Variants in PLEKHG2 observed in about 807,000 individuals in gnomAD.
The protein encoded by PLEKHG2 is pleckstrin homology and RhoGEF domain containing G2.
In PLEKHG2, 71 loss-of-function variants were observed where a neutral mutation model predicts 104.4. The observed-to-expected ratio is 0.68, with a 90% CI of 0.56 to 0.83. PLEKHG2 has a LOEUF of 0.83. PLEKHG2 is among the 40% of genes least tolerant of loss of function. The pLI is 0.00. For synonymous variants in PLEKHG2, 728 were observed against 737.0 expected (o/e 0.99, Z 0.20); for missense variants, 1,730 against 1,809.4 (o/e 0.96, Z 0.80).
Position 39,415,362 on chromosome 19 carries a change from C to T in PLEKHG2, c.402C>T (p.Asp134=), listed in dbSNP as rs772854867. The T allele has an allele frequency of 3.8e-5, 61 of 1,613,984 alleles. No homozygotes were observed. Among genetic ancestry groups the T allele is most frequent in the East Asian group, 3.6e-4 (16 of 44,898 alleles). The part of the protein sequence containing the change: ...IVEDYLGPLL[D]GGVLGLSVEQ... ...AGGACTACCTGGGCCCTCTGCTGGA[C>T]GGCGGGGTCCTGGGGCTGAGCGTGG... is the stretch of plus-strand genomic sequence containing the variant. Residue 134 remains aspartate (D), a synonymous_variant, in exon 4 of 19, where the codon GAC becomes GAT. Transcript: ENST00000425673. The surrounding 1 kb of genome is among the most constrained non-coding windows in gnomAD (Gnocchi z 4.6).
At position 39,414,210 on chromosome 19, in the gene PLEKHG2, A is replaced by G. The variant is rs2078565119; in HGVS notation, c.109+15A>G. The stretch of plus-strand genomic sequence containing the variant: ...GACTCGGACAGGTGAGCCTAGAGGC[A>G]GGGGCGGCGGAGCCTGTGGGGCTTT... On this transcript the variant is annotated intron_variant, in intron 2 of 18. Transcript: ENST00000425673. 3 of 1,549,732 alleles carry G rather than the reference A, an allele frequency of 1.9e-6. No homozygotes were observed. Among genetic ancestry groups the G allele is most frequent in the Admixed American group, 2.0e-5 (1 of 50,936 alleles).
rs779700381 is a variant in PLEKHG2 at position 39,415,196 on chromosome 19, G to T, written c.314G>T (p.Arg105Leu). Reference sequence around the variant, plus strand: ...TCAGCCAGACCCTCAAGGCTGGAGCGTGTGGCCCGGGAGATCGTGGAGACA... The same window carrying T: ...TCAGCCAGACCCTCAAGGCTGGAGCTTGTGGCCCGGGAGATCGTGGAGACA... Reference protein sequence around the residue: ...PGSARPSRLERVAREIVETER... With the variant: ...PGSARPSRLELVAREIVETER... Residue 105 changes from arginine (R) to leucine (L), a missense_variant, in exon 3 of 19, where the codon CGT (arginine) becomes CTT (leucine). Coordinates refer to ENST00000425673, the MANE Select transcript of PLEKHG2 (RefSeq NM_022835.3). This position sits in a 1 kb window ranked among gnomAD's most constrained non-coding sequence, Gnocchi z 4.6. 1.3e-6 allele frequency: 2 copies of T among 1,587,498 alleles called. No individual in the cohort carries two copies. Among genetic ancestry groups the T allele is most frequent in the South Asian group, 2.3e-5 (2 of 87,886 alleles).
In PLEKHG2 at chr19:39,426,929, C is replaced by T. The variant is rs1265053481; in HGVS notation, c.*1635C>T. The T allele has an allele frequency of 2.0e-5, 3 of 151,980 alleles. No homozygotes were observed. Among genetic ancestry groups the T allele is most frequent in the African/African-American group, 4.8e-5 (2 of 41,338 alleles). 9.4% of individuals were successfully genotyped at this position (151,980 alleles called of 1,614,324 possible). ...CAAAATCTTGGCTCATTGCAACCTC[C>T]ACCTCCTGGGTTCAAGCAATTCTCA... On this transcript the variant is annotated 3_prime_UTR_variant, in exon 19 of 19. Coordinates refer to ENST00000425673, the MANE Select transcript of PLEKHG2 (RefSeq NM_022835.3).
rs752655074 is a variant in PLEKHG2, at chr19:39,424,460, C to T, written c.3327C>T (p.Thr1109=). ...TCCCAGACCTTCAGATTCCAGGTAC[C>T]TCACCTTTGCCTGCACATGGAAGCC... ...CHLPDLQIPG[T]SPLPAHGSHL... Residue 1109 remains threonine, a synonymous_variant, in exon 19 of 19, where the codon ACC becomes ACT. Transcript: ENST00000425673. 1 of 1,614,118 alleles carries T rather than the reference C, an allele frequency of 6.2e-7. No individual in the cohort carries two copies. Among genetic ancestry groups the T allele is most frequent in the Non-Finnish European group, 8.5e-7 (1 of 1,180,022 alleles).
intron 7 of PLEKHG2, among the ~76,000 whole-genome samples, chr19:39,417,247 G>A (rs2078621147): frequency 6.6e-6 from 1 of 152,114 alleles, no homozygotes; most frequent in Non-Finnish European, 1.5e-5. Context: ...CCACCTCCTG[G>A]GTTCAAGTGA....
chr19:39,420,500 G>T (rs2078681933), intron 11 of PLEKHG2, 126 bp from the exon 12 acceptor site: 7 of 1,183,198 alleles, frequency 5.9e-6, no homozygotes, highest in Non-Finnish European at 8.8e-6. Context: ...CTCCAACCTG[G>T]CGTATAGAGC....
chr19:39,425,405 C>T lies in PLEKHG2; in HGVS notation c.*111C>T, dbSNP rs2146025948. 6.9e-7 allele frequency: 1 copy of T among 1,449,098 alleles called. No homozygotes were observed. Among genetic ancestry groups the T allele is most frequent in the South Asian group, 1.5e-5 (1 of 67,756 alleles). The allele number at this position is 1,449,098 out of a possible 1,614,324, so 89.8% of individuals were successfully genotyped here. A position where few individuals can be genotyped will look rare whatever the true frequency, so the allele number is the denominator to read the frequency against. ...ACGCAGGCCTCAAAACTGCTGCGGC[C>T]TTCCAACTCCTGGTATCTGCATCGG... On this transcript the variant is annotated 3_prime_UTR_variant, in exon 19 of 19. Transcript: ENST00000425673.
At position 39,416,574 on chromosome 19, in the gene PLEKHG2, A is replaced by G. The variant is rs573475595; in HGVS notation, c.570A>G (p.Thr190=). 71 of 1,613,816 alleles carry G rather than the reference A, an allele frequency of 4.4e-5. No homozygotes were observed. In the Middle Eastern group the frequency reaches 4.9e-4, roughly 11 times the overall value. Residue 190 remains threonine (T), a synonymous_variant, in exon 6 of 19, where the codon ACA becomes ACG. Coordinates refer to ENST00000425673, the MANE Select transcript of PLEKHG2 (RefSeq NM_022835.3). This position sits in a 1 kb window ranked among gnomAD's most constrained non-coding sequence, Gnocchi z 4.5. Reference sequence around the variant, plus strand: ...AGAGCGAGGATTTTGACATCTACACATTGTACTGCATGAACTACCCGAGGT... The same window carrying G: ...AGAGCGAGGATTTTGACATCTACACGTTGTACTGCATGAACTACCCGAGGT... ...VQRSEDFDIY[T]LYCMNYPSSL...
At position 39,413,858 on chromosome 19, in the gene PLEKHG2, T is replaced by A. The variant is rs1271123249; in HGVS notation, c.-22-207T>A. ...TCTGCGCCTCCTGCTCCGCTCACTC[T>A]TCTTTGTCTCAGCCTTTCCATCTTT... On this transcript the variant is annotated intron_variant, in intron 1 of 18. Transcript: ENST00000425673. This position sits in a 1 kb window ranked among gnomAD's most constrained non-coding sequence, Gnocchi z 4.5. 1.2e-5 allele frequency: 5 copies of A among 412,910 alleles called. No homozygotes were observed. The East Asian group carries it at 2.1e-4, about 18-fold the overall frequency. 25.6% of individuals were successfully genotyped at this position (412,910 alleles called of 1,614,324 possible). A position where few individuals can be genotyped will look rare whatever the true frequency, so the allele number is the denominator to read the frequency against.
In PLEKHG2 at chr19:39,416,756, C is replaced by A. The variant is rs1222304200; in HGVS notation, c.594-94C>A. The A allele has an allele frequency of 2.0e-6, 3 of 1,490,710 alleles. No individual in the cohort carries two copies. The highest frequency in any genetic ancestry group is 1.9e-5 in the Admixed American group (1 of 53,684). 92.3% of individuals were successfully genotyped at this position (1,490,710 alleles called of 1,614,324 possible). ...CCTCACTGCCCCGCCCCCTGTCAGA[C>A]CCTGACCCTTCCCAAACCCTGGCCC... On this transcript the variant is annotated intron_variant, in intron 6 of 18. Coordinates refer to ENST00000425673, the MANE Select transcript of PLEKHG2 (RefSeq NM_022835.3). The surrounding 1 kb of genome is among the most constrained non-coding windows in gnomAD (Gnocchi z 4.5).
In PLEKHG2 at chr19:39,415,050, C is replaced by T. The variant is rs1326930705; in HGVS notation, c.168C>T (p.Ser56=). 2.5e-6 allele frequency: 4 copies of T among 1,596,910 alleles called. No individual in the cohort carries two copies. The African/African-American group carries it at 5.4e-5, about 21-fold the overall frequency. ...GTTCTGGGAGCTCCACATCCCTGAG[C>T]ACAGTGGGCTCTGAGGGGGATCCAG... ...PRGSGSSTSL[S]TVGSEGDPAP... is the part of the protein sequence containing the mutation. Residue 56 remains serine, a synonymous_variant, in exon 3 of 19, where the codon AGC becomes AGT. Transcript: ENST00000425673. The surrounding 1 kb of genome is among the most constrained non-coding windows in gnomAD (Gnocchi z 4.6).
rs765590948 is a variant in PLEKHG2, at chr19:39,416,502, C to A, written c.547-49C>A. 1 of 1,612,218 alleles carries A rather than the reference C, an allele frequency of 6.2e-7. No homozygotes were observed. The highest frequency in any genetic ancestry group is 8.5e-7 in the Non-Finnish European group (1 of 1,179,092). Reference sequence around the variant, plus strand: ...GCTTGGGCTAGGCTGGAAGGGGGGTCGTGGGAAGCCAGGACCTGGGGTCTC... The same window carrying A: ...GCTTGGGCTAGGCTGGAAGGGGGGTAGTGGGAAGCCAGGACCTGGGGTCTC... On this transcript the variant is annotated intron_variant, in intron 5 of 18. Transcript: ENST00000425673. This position sits in a 1 kb window ranked among gnomAD's most constrained non-coding sequence, Gnocchi z 4.5.
chr19:39,419,744 G>A (rs935046435), intron 11 of PLEKHG2, among the ~76,000 whole-genome samples: 1 of 152,138 alleles, frequency 6.6e-6, no homozygotes, highest in African/African-American at 2.4e-5. Context: ...AGGCGTGGTG[G>A]CAGGTGCCCG....
intron 9 of PLEKHG2, 88 bp from the exon 10 acceptor site, chr19:39,418,646 C>A: frequency 2.9e-6 from 3 of 1,044,030 alleles, no homozygotes; most frequent in Non-Finnish European, 4.3e-6. Flanking sequence ...GGGAGGAGGA[C>A]CCAGATACAC....
At position 39,424,887 on chromosome 19, in the gene PLEKHG2, G is replaced by T; in HGVS notation, c.3754G>T (p.Glu1252Ter). 6.2e-7 allele frequency: 1 copy of T among 1,614,170 alleles called. No homozygotes were observed. The highest frequency in any genetic ancestry group is 8.5e-7 in the Non-Finnish European group (1 of 1,180,046). Reference sequence around the variant, plus strand: ...CTTAGCCTCTCACGTTGCCAGGTTGGAGTCTTCAGACTTGACGCCACCTCA... The same window carrying T: ...CTTAGCCTCTCACGTTGCCAGGTTGTAGTCTTCAGACTTGACGCCACCTCA... ...GSLASHVARL[E>*]SSDLTPPHSP... is the part of the protein sequence containing the mutation. The change falls in exon 19 of 19, where the codon GAG becomes TAG. Residue 1252 changes from glutamate (E) to a stop codon, truncating the protein, a stop_gained. Coordinates refer to ENST00000425673, the MANE Select transcript of PLEKHG2 (RefSeq NM_022835.3). LOFTEE classifies it high-confidence loss of function.
chr19:39,415,694 G>A lies in PLEKHG2; in HGVS notation c.479+255G>A, dbSNP rs1472126529. Among the ~76,000 whole-genome samples, 4 of 151,420 alleles carry A rather than the reference G, an allele frequency of 2.6e-5. No homozygotes were observed. The highest frequency in any genetic ancestry group is 5.9e-5 in the Non-Finnish European group (4 of 67,838). ...GAGGGAGGGGCATAGCGGATGGGAG[G>A]ACCCCGAGTGAGGGAGGGGCATAGC... On this transcript the variant is annotated intron_variant, in intron 4 of 18. Coordinates refer to ENST00000425673, the MANE Select transcript of PLEKHG2 (RefSeq NM_022835.3). The surrounding 1 kb of genome is among the most constrained non-coding windows in gnomAD (Gnocchi z 4.6).
rs34521090 is a variant in PLEKHG2, at chr19:39,426,845, A to AT, written c.*1568dup. ...AGGGAAGGAGGAGCTTGGGAATCTGATTTTTTTTTTTTTTTTTAGATAAAG... is the reference window on the plus strand; with the variant it reads ...AGGGAAGGAGGAGCTTGGGAATCTGATTTTTTTTTTTTTTTTTTAGATAAAG... On this transcript the variant is annotated 3_prime_UTR_variant, in exon 19 of 19. Coordinates refer to ENST00000425673, the MANE Select transcript of PLEKHG2 (RefSeq NM_022835.3). 0.6 allele frequency: 84,979 copies of AT among 142,186 alleles called. 25,877 individuals are homozygous for AT. The highest frequency in any genetic ancestry group is 0.77 in the African/African-American group (29,516 of 38,566). 8.8% of individuals were successfully genotyped at this position (142,186 alleles called of 1,614,324 possible).
chr19:39,425,183 G>A lies in PLEKHG2; in HGVS notation c.4050G>A (p.Arg1350=), dbSNP rs1344876017. 1 of 1,604,516 alleles carries A rather than the reference G, an allele frequency of 6.2e-7. No homozygotes were observed. The highest frequency in any genetic ancestry group is 8.5e-7 in the Non-Finnish European group (1 of 1,176,952). ...NIHVGGGGRL[R]PAKAQVRLNH... ...ACGTGGGCGGGGGTGGGCGGCTGCGGCCAGCCAAGGCCCAGGTCCGGTTGA... is the reference window on the plus strand; with the variant it reads ...ACGTGGGCGGGGGTGGGCGGCTGCGACCAGCCAAGGCCCAGGTCCGGTTGA... Residue 1350 remains arginine, a synonymous_variant, in exon 19 of 19, where the codon CGG becomes CGA. Coordinates refer to ENST00000425673, the MANE Select transcript of PLEKHG2 (RefSeq NM_022835.3).
At position 39,415,267 on chromosome 19, in the gene PLEKHG2, C is replaced by T. The variant is rs368379229; in HGVS notation, c.378+7C>T. The T allele has an allele frequency of 1.6e-4, 259 of 1,596,758 alleles. 5 individuals carry two copies. Among genetic ancestry groups the T allele is most frequent in the South Asian group, 1.2e-3 (103 of 89,090 alleles). On this transcript the variant is annotated splice_region_variant and intron_variant, in intron 3 of 18. Coordinates refer to ENST00000425673, the MANE Select transcript of PLEKHG2 (RefSeq NM_022835.3). This position sits in a 1 kb window ranked among gnomAD's most constrained non-coding sequence, Gnocchi z 4.6. ...CCTCCGCAGCATCGTGGAGGTAAGG[C>T]GGGCAGACACCAGAGGGCAGTGGGT...
Sources: gnomAD v4.1 joint callset for allele counts (sites outside exome capture counted in the v4.1 genomes callset) on GRCh38, gnomAD v4.1.1 for gene constraint, Gnocchi (gnomAD v3.1) non-coding constraint, MANE v1.5 for transcripts, NCBI Gene and HGNC (gene_info 2026-07-23, HGNC 2026-07-21) for gene names.